The following PTS variants were observed in gnomAD, a reference collection of about 807,000 sequenced individuals.
The protein encoded by PTS is 6-pyruvoyl tetrahydrobiopterin synthase.
PTS carries 23 observed loss-of-function variants against 20.6 expected under a neutral mutation model. The observed-to-expected ratio is 1.12, with a 90% CI of 0.80 to 1.58. PTS has a LOEUF of 1.58. Ranked by LOEUF, PTS falls within the 40% of genes most tolerant of loss-of-function variation. The pLI, the probability that PTS is intolerant of heterozygous loss-of-function variation, is 0.00. For missense variants in PTS, 186 were observed against 182.4 expected (o/e 1.02, Z -0.11); for synonymous variants, 65 against 62.5 (o/e 1.04, Z -0.19).
chr11:112,233,112 A>T, intron 4 of PTS, 51 bp from the exon 5 acceptor site: 1 of 1,536,416 alleles, frequency 6.5e-7, no homozygotes, highest in Admixed American at 1.7e-5. Context: ...ACAATTTGGA[A>T]TTTGAGTCGT....
At chr11:112,230,761 A>G in intron 4 of PTS, 79 bp downstream of exon 4, 1 of 1,209,606 alleles carries the variant, frequency 8.3e-7, no homozygotes, top group Non-Finnish European at 1.2e-6. Context: ...CTCCCCAACC[A>G]GTTATCTCCT....
chr11:112,232,895 C>G (rs578089689), intron 4 of PTS, among the ~76,000 whole-genome samples: 1 of 152,168 alleles, frequency 6.6e-6, no homozygotes, highest in Admixed American at 6.5e-5. Context: ...GCTTGTGTTG[C>G]GAGAAAGCTC....
chr11:112,233,346 G>T, intron 5 of PTS, 86 bp from the exon 6 acceptor site: 1 of 1,533,512 alleles, frequency 6.5e-7, no homozygotes, highest in South Asian at 1.2e-5. Flanking sequence ...TTCGAAACTA[G>T]AATTTCTATT....
chr11:112,230,714 A>G (rs1447957148), intron 4 of PTS, 32 bp downstream of exon 4: 1 of 1,562,036 alleles, frequency 6.4e-7, no homozygotes, highest in Non-Finnish European at 8.8e-7. Context: ...ATTATGTGCT[A>G]TTCCCTAACT....
chr11:112,230,839 A>G (rs957765107), intron 4 of PTS, among the ~76,000 whole-genome samples, 157 bp downstream of exon 4: 9 of 152,194 alleles, frequency 5.9e-5, no homozygotes, highest in Admixed American at 4.6e-4. Flanking sequence ...AACTGCTCGC[A>G]TGGCCTCTAA....
intron 5 of PTS, 48 bp from the exon 6 acceptor site, chr11:112,233,384 A>T: frequency 5.2e-6 from 8 of 1,551,582 alleles, no homozygotes; most frequent in Non-Finnish European, 7.0e-6. Flanking sequence ...ATGAAATTTT[A>T]TTGTTTGCAT....
chr11:112,227,298 G>T (rs1269126869), intron 1 of PTS, among the ~76,000 whole-genome samples: 1 of 152,056 alleles, frequency 6.6e-6, no homozygotes, highest in Non-Finnish European at 1.5e-5. Flanking sequence ...TTTCGTGCTT[G>T]TCAGGGCTTG....
In PTS at chr11:112,233,234, G is replaced by GT; in HGVS notation, c.314+2dup. 3 of 1,613,102 alleles carry GT rather than the reference G, an allele frequency of 1.9e-6. No individual in the cohort carries two copies. Among genetic ancestry groups the GT allele is most frequent in the Non-Finnish European group, 2.5e-6 (3 of 1,179,088 alleles). On this transcript the variant is annotated splice_donor_variant, in intron 5 of 5. Coordinates refer to ENST00000280362, the MANE Select transcript of PTS (RefSeq NM_000317.3). LOFTEE classifies it high-confidence loss of function. The stretch of plus-strand genomic sequence containing the variant: ...TGCCATACTTTGCAGATGTGGTGAG[G>GT]TGGGTGGCACTGTATCTTGCCTTAT...
intron 4 of PTS, among the ~76,000 whole-genome samples, chr11:112,231,350 G>T (rs1477547734): frequency 6.6e-6 from 1 of 152,152 alleles, no homozygotes; most frequent in Admixed American, 6.5e-5. Flanking sequence ...TGTCATTATA[G>T]AATTCTTGCA....
intron 1 of PTS, chr11:112,228,164 T>C (rs965153925): frequency 3.5e-5 from 6 of 172,082 alleles, no homozygotes; most frequent in Non-Finnish European, 6.2e-5. Context: ...TTATTTTTTC[T>C]GGATGAGTAG....
chr11:112,230,343 C>T (rs1374996161), intron 3 of PTS, 113 bp downstream of exon 3: 2 of 1,307,414 alleles, frequency 1.5e-6, no homozygotes, highest in Admixed American at 1.7e-5. Context: ...CATTGTTGGC[C>T]CTTGTATATG....
Position 112,227,794 on chromosome 11 carries a change from C to T in PTS, c.84-800C>T, listed in dbSNP as rs45620236. ...ATGAGCCAAACATCTCCCACTAGGCCCCATCTCCAACACTGGGGATCACAT... is the reference window on the plus strand; with the variant it reads ...ATGAGCCAAACATCTCCCACTAGGCTCCATCTCCAACACTGGGGATCACAT... On this transcript the variant is annotated intron_variant, in intron 1 of 5. Coordinates refer to ENST00000280362, the MANE Select transcript of PTS (RefSeq NM_000317.3). 4.0e-3 allele frequency among the ~76,000 whole-genome samples: 614 copies of T among 152,182 alleles called. 1 individual carries two copies. Among genetic ancestry groups the T allele is most frequent in the Non-Finnish European group, 6.6e-3 (449 of 68,002 alleles).
rs772285014 is a variant in PTS at position 112,228,592 on chromosome 11, A to G, written c.84-2A>G. On this transcript the variant is annotated splice_acceptor_variant, in intron 1 of 5. Coordinates refer to ENST00000280362, the MANE Select transcript of PTS (RefSeq NM_000317.3). LOFTEE classifies it high-confidence loss of function. ...CTGACTTTTTTTTTTTTTTTTGGTC[A>G]GTAAATTTCTAAGTGATGAAGAAAA... 1.3e-6 allele frequency: 2 copies of G among 1,563,520 alleles called. No homozygotes were observed. The highest frequency in any genetic ancestry group is 1.7e-6 in the Non-Finnish European group (2 of 1,164,938).
At chr11:112,226,719 C>T (rs1049714229) in intron 1 of PTS, among the ~76,000 whole-genome samples, 193 bp downstream of exon 1, 2 of 151,816 alleles carry the variant, frequency 1.3e-5, no homozygotes, top group Admixed American at 6.5e-5. Context: ...GTGTCCCCAG[C>T]CCTGGAGGGG....
chr11:112,229,586 T>G (rs1859904531), intron 2 of PTS: 1 of 153,840 alleles, frequency 6.5e-6, no homozygotes, highest in Non-Finnish European at 1.4e-5. Flanking sequence ...GAGATGGGGT[T>G]TCACCATGTT....
At chr11:112,226,655 C>A (rs993007854) in intron 1 of PTS, 129 bp downstream of exon 1, 39 of 639,614 alleles carry the variant, frequency 6.1e-5, no homozygotes, top group Middle Eastern at 4.9e-4. Flanking sequence ...GCGACGCGCG[C>A]TGGTCGGCTT....
chr11:112,230,331 T>G (rs932682398), intron 3 of PTS, 101 bp downstream of exon 3: 2 of 1,393,128 alleles, frequency 1.4e-6, no homozygotes, highest in African/African-American at 2.8e-5. Flanking sequence ...TCAGTATTGC[T>G]TCATTGTTGG....
At chr11:112,228,716 G>T in intron 2 of PTS, 43 bp downstream of exon 2, 1 of 1,529,728 alleles carries the variant, frequency 6.5e-7, no homozygotes. Context: ...CAATAAGGAT[G>T]AAAGAGTATT....
Position 112,230,683 on chromosome 11 carries a change from G to A in PTS, c.243+1G>A. The A allele has an allele frequency of 1.2e-6, 2 of 1,607,282 alleles. No homozygotes were observed. The highest frequency in any genetic ancestry group is 1.7e-5 in the Admixed American group (1 of 60,006). On this transcript the variant is annotated splice_donor_variant, in intron 4 of 5. Coordinates refer to ENST00000280362, the MANE Select transcript of PTS (RefSeq NM_000317.3). LOFTEE classifies it high-confidence loss of function. ...GGCTGATCTCAAAAAATATATGGAG[G>A]TAATGGCATGTTGGGTGCTTATTAT... is the stretch of plus-strand genomic sequence containing the variant.
Sources: allele counts gnomAD v4.1 joint callset (sites outside exome capture counted in the v4.1 genomes callset), GRCh38; gene constraint gnomAD v4.1.1; transcripts MANE v1.5; gene names NCBI Gene and HGNC (gene_info 2026-07-23, HGNC 2026-07-21).